The following LRBA variants were observed in gnomAD, a reference collection of about 807,000 sequenced individuals.
LRBA encodes lipopolysaccharide-responsive and beige-like anchor protein.
In LRBA, 176 loss-of-function variants were observed where a neutral mutation model predicts 330.0. That is an observed-to-expected ratio of 0.53 (90% CI 0.47 to 0.60). LRBA has a LOEUF of 0.60. Among genes scored for constraint, LRBA ranks in the 20% least tolerant of loss-of-function variants. The probability of loss-of-function intolerance (pLI) is 0.00; values close to 1 mark genes in which losing one functional copy is unlikely to be tolerated. For missense variants in LRBA, 3,259 were observed against 3,444.8 expected, an observed-to-expected ratio of 0.95 and a Z score of 1.35; for synonymous variants, 1,230 against 1,193.0, an observed-to-expected ratio of 1.03 and a Z score of -0.64.
At chr4:150,872,577 G>T in intron 18 of LRBA, 86 bp downstream of exon 18, 1 of 808,624 alleles carries the variant, frequency 1.2e-6, no homozygotes, top group South Asian at 1.6e-5. Flanking sequence ...AAAACTAGAG[G>T]ACTATAGAAC....
intron 34 of LRBA, among the ~76,000 whole-genome samples, chr4:150,797,119 T>C (rs1179414350): frequency 6.6e-6 from 1 of 151,910 alleles, no homozygotes; most frequent in African/African-American, 2.4e-5. Flanking sequence ...ATAGTATTGA[T>C]TTTTCACACC....
Position 150,765,945 on chromosome 4 carries a change from AC to A in LRBA, c.5581-4099del, listed in dbSNP as rs368774914. Among the ~76,000 whole-genome samples the A allele has an allele frequency of 1.2e-3, 188 of 152,210 alleles. 3 individuals carry two copies. Among genetic ancestry groups the A allele is most frequent in the African/African-American group, 4.4e-3 (184 of 41,568 alleles). On this transcript the variant is annotated intron_variant, in intron 34 of 56. Coordinates refer to ENST00000651943, the MANE Select transcript of LRBA (RefSeq NM_001364905.1). ...ACCACACTAAAAATTTGTAATCTAA[AC>A]TTATCTTGGTATGTCACAGGAAATA...
At chr4:150,495,316 G>A (rs1759461162) in intron 40 of LRBA, among the ~76,000 whole-genome samples, 1 of 152,064 alleles carries the variant, frequency 6.6e-6, no homozygotes, top group African/African-American at 2.4e-5. Context: ...GTATCATACT[G>A]AATGTATAAT....
intron 28 of LRBA, among the ~76,000 whole-genome samples, chr4:150,832,925 A>G (rs1395407948): frequency 6.6e-6 from 1 of 152,030 alleles, no homozygotes; most frequent in Non-Finnish European, 1.5e-5. Flanking sequence ...ATACACCACC[A>G]CATCCAGCTA....
At chr4:150,942,058 G>A (rs1735729292) in intron 2 of LRBA, among the ~76,000 whole-genome samples, 1 of 152,130 alleles carries the variant, frequency 6.6e-6, no homozygotes, top group Admixed American at 6.5e-5. Context: ...AATGTCACTA[G>A]AAACAAATAT....
chr4:150,611,086 A>C (rs1447291517), intron 37 of LRBA, among the ~76,000 whole-genome samples: 2 of 152,152 alleles, frequency 1.3e-5, no homozygotes, highest in African/African-American at 2.4e-5. Context: ...AGGGAGGAGA[A>C]GGTTGTTGTA....
chr4:150,586,156 A>C (rs1369368544), intron 40 of LRBA, among the ~76,000 whole-genome samples: 1 of 152,196 alleles, frequency 6.6e-6, no homozygotes, highest in Non-Finnish European at 1.5e-5. Flanking sequence ...TTTTAAAAAC[A>C]TTTTCAAACA....
At chr4:150,850,428 A>G (rs1325019898) in intron 24 of LRBA, among the ~76,000 whole-genome samples, 1 of 152,108 alleles carries the variant, frequency 6.6e-6, no homozygotes, top group African/African-American at 2.4e-5. Context: ...CTAGTAATAA[A>G]CCAACTTGAT....
intron 7 of LRBA, 59 bp downstream of exon 7, chr4:150,916,342 A>C: frequency 1.3e-6 from 2 of 1,541,658 alleles, no homozygotes; most frequent in Non-Finnish European, 1.8e-6. Flanking sequence ...ATTAAAACAA[A>C]GCATTTTGAT....
At chr4:150,275,029 A>G (rs903605496) in intron 56 of LRBA, among the ~76,000 whole-genome samples, 1 of 152,228 alleles carries the variant, frequency 6.6e-6, no homozygotes, top group Non-Finnish European at 1.5e-5. Context: ...GAAAATCCTC[A>G]ATAAAATACT....
chr4:150,839,202 C>T (rs560041096), intron 28 of LRBA, among the ~76,000 whole-genome samples: 1 of 152,258 alleles, frequency 6.6e-6, no homozygotes, highest in East Asian at 1.9e-4. Flanking sequence ...CATCTCACAC[C>T]GGTTTGAATG....
Position 150,806,396 on chromosome 4 carries a change from T to C in LRBA, c.5393A>G (p.Glu1798Gly). Reference protein sequence around the residue: ...QDPVSNMSITERLEHALEKAA... With the variant: ...QDPVSNMSITGRLEHALEKAA... ...CTTTTCCAAAGCGTGTTCAAGCCTC[T>C]CTGTAATACTAAGGAAAAGACATTA... The change falls in exon 33 of 57, where the codon GAG becomes GGG. Residue 1798 changes from glutamate to glycine, a missense_variant. By Grantham distance (98) the Glu-to-Gly change is moderately conservative (BLOSUM62 -2). Transcript: ENST00000651943. 5 of 1,594,742 alleles carry C rather than the reference T, an allele frequency of 3.1e-6. No homozygotes were observed. The highest frequency in any genetic ancestry group is 4.3e-6 in the Non-Finnish European group (5 of 1,172,908).
chr4:150,345,035 A>G (rs557206989), intron 48 of LRBA, among the ~76,000 whole-genome samples: 4 of 152,250 alleles, frequency 2.6e-5, no homozygotes, highest in South Asian at 4.2e-4. Flanking sequence ...ACTCTACCCA[A>G]TGATCTTATT....
At chr4:150,677,042 T>C (rs1782619214) in intron 37 of LRBA, among the ~76,000 whole-genome samples, 1 of 152,198 alleles carries the variant, frequency 6.6e-6, no homozygotes, top group African/African-American at 2.4e-5. Context: ...ATTTTATTTT[T>C]CAAAATTTAT....
intron 34 of LRBA, among the ~76,000 whole-genome samples, chr4:150,787,601 T>G (rs1739272545): frequency 6.6e-6 from 1 of 152,208 alleles, no homozygotes; most frequent in African/African-American, 2.4e-5. Flanking sequence ...ATGCAATGCA[T>G]AATAATCACA....
chr4:150,806,113 T>C (rs1742756130), intron 33 of LRBA, among the ~76,000 whole-genome samples, 158 bp downstream of exon 33: 1 of 151,950 alleles, frequency 6.6e-6, no homozygotes, highest in Non-Finnish European at 1.5e-5. Flanking sequence ...TACAACATAA[T>C]AGACATGTGA....
chr4:150,941,987 C>A (rs1031831237), intron 2 of LRBA, among the ~76,000 whole-genome samples: 2 of 151,682 alleles, frequency 1.3e-5, no homozygotes, highest in Non-Finnish European at 2.9e-5. Context: ...ATTATGAGTT[C>A]GATACTATAT....
rs530909941 is a variant in LRBA at position 150,514,809 on chromosome 4, C to T, written c.6331-23774G>A. ...AACTCTCTTCCATTTCTTCTTATTG[C>T]GTATGTTAAATTGATTTAATGAATC... On this transcript the variant is annotated intron_variant, in intron 40 of 56. Transcript: ENST00000651943. Among the ~76,000 whole-genome samples, 6 of 152,280 alleles carry T rather than the reference C, an allele frequency of 3.9e-5. No individual in the cohort carries two copies. In the South Asian group the frequency reaches 1.0e-3, roughly 26 times the overall value.
At chr4:150,508,612 T>G (rs887523273) in intron 40 of LRBA, among the ~76,000 whole-genome samples, 18 of 152,248 alleles carry the variant, frequency 1.2e-4, no homozygotes, top group Admixed American at 9.8e-4. Flanking sequence ...GAGCAAAACA[T>G]TTAATTAGGG....
Sources: allele counts gnomAD v4.1 joint callset (sites outside exome capture counted in the v4.1 genomes callset), GRCh38; gene constraint gnomAD v4.1.1; transcripts MANE v1.5; gene names NCBI Gene and HGNC (gene_info 2026-07-23, HGNC 2026-07-21).